The following ANGPT2 variants were observed in gnomAD, a reference collection of about 807,000 sequenced individuals.
ANGPT2 encodes the protein angiopoietin-2.
In ANGPT2, 28 loss-of-function variants were observed where a neutral mutation model predicts 62.9. The ratio of observed to expected loss-of-function variants is 0.44; its 90% CI spans 0.33 to 0.61. The LOEUF is 0.61. Ranked by LOEUF, ANGPT2 falls within the 20% of genes least tolerant of loss-of-function variation. The pLI is 0.03. For missense variants in ANGPT2, 727 were observed against 594.9 expected (o/e 1.22, Z -2.31); for synonymous variants, 284 against 207.8 (o/e 1.37, Z -3.15).
intron 1 of ANGPT2, among the ~76,000 whole-genome samples, chr8:6,541,633 C>G (rs1186810618): frequency 6.6e-6 from 1 of 152,176 alleles, no homozygotes; most frequent in East Asian, 1.9e-4. Context: ...TTGTTAAATT[C>G]TCAGCTTAGA....
At position 6,513,721 on chromosome 8, in the gene ANGPT2, A is replaced by G. The variant is rs181918436; in HGVS notation, c.1153T>C (p.Leu385=). 42 of 1,613,736 alleles carry G rather than the reference A, an allele frequency of 2.6e-5. No homozygotes were observed. In the East Asian group the frequency reaches 7.6e-4, roughly 29 times the overall value. The change falls in exon 7 of 9, where the codon TTG becomes CTG. Residue 385 remains leucine, a synonymous_variant. Transcript: ENST00000629816. ...CTTGAGAGATAGAAATGTTCATACAATGAGTAAGCCTCATTCCCTTCCCAG... is the reference window on the plus strand; with the variant it reads ...CTTGAGAGATAGAAATGTTCATACAGTGAGTAAGCCTCATTCCCTTCCCAG... ...KDWEGNEAYS[L]YEHFYLSSEE... is the part of the protein sequence containing the mutation.
chr8:6,514,615 G>A (rs1458774472), intron 6 of ANGPT2, 62 bp downstream of exon 6: 1 of 1,454,442 alleles, frequency 6.9e-7, no homozygotes, highest in Non-Finnish European at 9.6e-7. Flanking sequence ...AGGTTCCGCA[G>A]ATCTTGAAAG....
chr8:6,506,080 A>T (rs1312319030), intron 8 of ANGPT2, among the ~76,000 whole-genome samples: 3 of 150,260 alleles, frequency 2.0e-5, no homozygotes, highest in Middle Eastern at 7.0e-3. Context: ...TTGGTTTGTT[A>T]TTTCATCCAG....
chr8:6,520,114 G>A (rs1046297922), intron 4 of ANGPT2, 123 bp from the exon 5 acceptor site: 6 of 1,115,380 alleles, frequency 5.4e-6, no homozygotes, highest in African/African-American at 1.6e-5. Flanking sequence ...GCAAAAGGCT[G>A]TACCACTTTT....
chr8:6,514,843 C>T (rs746775061), intron 5 of ANGPT2, 65 bp from the exon 6 acceptor site: 4 of 1,415,124 alleles, frequency 2.8e-6, no homozygotes, highest in Non-Finnish European at 3.0e-6. Flanking sequence ...GTAGCAGAAG[C>T]AGGAGGAATG....
intron 2 of ANGPT2, among the ~76,000 whole-genome samples, chr8:6,530,545 C>T (rs1819294198): frequency 8.2e-6 from 1 of 122,586 alleles, no homozygotes; most frequent in Admixed American, 8.8e-5. Flanking sequence ...ATGGCAAAAT[C>T]TGCAGTTACT....
intron 5 of ANGPT2, among the ~76,000 whole-genome samples, chr8:6,518,951 G>A (rs528596742): frequency 5.0e-4 from 76 of 151,814 alleles, no homozygotes; most frequent in Admixed American, 3.9e-4. Context: ...GTCTCCCAAA[G>A]CACCTTCAGG....
At chr8:6,560,355 C>A (rs921291) in intron 1 of ANGPT2, among the ~76,000 whole-genome samples, 39,526 of 152,090 alleles carry the variant, frequency 0.26, 6,895 homozygotes, top group African/African-American at 0.5. Context: ...TGGCTTATCT[C>A]TCATTCCATT....
intron 1 of ANGPT2, among the ~76,000 whole-genome samples, chr8:6,549,752 C>G (rs534654699): frequency 6.6e-6 from 1 of 152,090 alleles, no homozygotes; most frequent in East Asian, 1.9e-4. Context: ...GAGGGAGCCA[C>G]GTGCAGGGCA....
intron 3 of ANGPT2, among the ~76,000 whole-genome samples, chr8:6,523,465 C>T (rs936992106): frequency 6.6e-6 from 1 of 152,148 alleles, no homozygotes; most frequent in Admixed American, 6.5e-5. Context: ...AAAAATAGTT[C>T]CTGTCCATTA....
intron 8 of ANGPT2, 134 bp downstream of exon 8, chr8:6,508,798 A>G (rs893446826): frequency 1.6e-6 from 2 of 1,257,076 alleles, no homozygotes; most frequent in East Asian, 2.3e-5. Context: ...ATTTACCTAT[A>G]TCAAGCTAGT....
At chr8:6,552,675 T>A (rs1823862030) in intron 1 of ANGPT2, among the ~76,000 whole-genome samples, 1 of 152,192 alleles carries the variant, frequency 6.6e-6, no homozygotes, top group Non-Finnish European at 1.5e-5. Context: ...GCCATCATCT[T>A]ATTTGAAACA....
chr8:6,539,272 G>A (rs941691167), intron 1 of ANGPT2, among the ~76,000 whole-genome samples: 1 of 152,186 alleles, frequency 6.6e-6, no homozygotes, highest in African/African-American at 2.4e-5. Flanking sequence ...ATATATTGAT[G>A]CCAGATTTGA....
chr8:6,562,084 A>C (rs1825626013), intron 1 of ANGPT2, among the ~76,000 whole-genome samples: 1 of 152,218 alleles, frequency 6.6e-6, no homozygotes, highest in South Asian at 2.1e-4. Flanking sequence ...TGAGATTCTG[A>C]GAAACATAAG....
At chr8:6,513,611 G>A (rs1815639943) in intron 7 of ANGPT2, 67 bp downstream of exon 7, 1 of 1,416,844 alleles carries the variant, frequency 7.1e-7, no homozygotes, top group Non-Finnish European at 9.6e-7. Context: ...GGGATTACAG[G>A]CGTGAGCCAC....
At position 6,503,166 on chromosome 8, in the gene ANGPT2, A is replaced by G. The variant is rs1812540838; in HGVS notation, c.1423T>C (p.Tyr475His). 1 of 1,614,202 alleles carries G rather than the reference A, an allele frequency of 6.2e-7. No homozygotes were observed. ...TNKFNGIKWY[Y>H]WKGSGYSLKA... Reference sequence around the variant, plus strand: ...AGCGAATAGCCTGAGCCTTTCCAGTAGTACCATTTAATGCCGTTGAACTTA... The same window carrying G: ...AGCGAATAGCCTGAGCCTTTCCAGTGGTACCATTTAATGCCGTTGAACTTA... Residue 475 changes from tyrosine (Y) to histidine (H), a missense_variant, in exon 9 of 9, where the codon TAC becomes CAC. Transcript: ENST00000629816.
intron 1 of ANGPT2, among the ~76,000 whole-genome samples, chr8:6,545,955 T>C (rs777372304): frequency 5.3e-5 from 8 of 152,118 alleles, no homozygotes; most frequent in Non-Finnish European, 1.2e-4. Flanking sequence ...TTGAATTGAG[T>C]TGGGGAAGTA....
intron 1 of ANGPT2, among the ~76,000 whole-genome samples, chr8:6,541,125 G>A (rs896065673): frequency 1.3e-5 from 2 of 152,238 alleles, no homozygotes; most frequent in Non-Finnish European, 2.9e-5. Context: ...GGCAAGGCCT[G>A]TCTCTGAGAT....
chr8:6,561,947 C>T (rs577575275), intron 1 of ANGPT2, among the ~76,000 whole-genome samples: 1 of 152,282 alleles, frequency 6.6e-6, no homozygotes, highest in African/African-American at 2.4e-5. Context: ...TGAACATAAC[C>T]GTCCCACGTG....
Sources: gnomAD v4.1 joint callset for allele counts (sites outside exome capture counted in the v4.1 genomes callset) on GRCh38, gnomAD v4.1.1 for gene constraint, MANE v1.5 for transcripts, NCBI Gene and HGNC (gene_info 2026-07-23, HGNC 2026-07-21) for gene names.